LRRC45: variants seen among roughly 807,000 people sequenced by gnomAD.
LRRC45 encodes leucine rich repeat containing 45, also known as leucine-rich repeat-containing protein 45.
LRRC45 carries 73 observed loss-of-function variants against 85.4 expected under a neutral mutation model. The ratio of observed to expected loss-of-function variants is 0.85; its 90% CI spans 0.71 to 1.04. The LOEUF (loss-of-function observed/expected upper bound fraction) is 1.04. Among genes scored for constraint, LRRC45 ranks in the 50% least tolerant of loss-of-function variants. LRRC45 has a pLI of 0.00. For missense variants in LRRC45, 937 were observed against 883.3 expected (o/e 1.06, Z -0.77); for synonymous variants, 429 against 386.0 (o/e 1.11, Z -1.31).
intron 5 of LRRC45, 36 bp downstream of exon 5, chr17:82,025,543 C>T (rs761860198): frequency 4.3e-5 from 64 of 1,497,982 alleles, no homozygotes; most frequent in Admixed American, 6.3e-5. Context: ...ACGCGTGAGC[C>T]TTTGACAGAG....
At chr17:82,027,980 G>C (rs762505245) in intron 8 of LRRC45, 31 bp from the exon 9 acceptor site, 1 of 1,569,314 alleles carries the variant, frequency 6.4e-7, no homozygotes, top group Middle Eastern at 2.3e-4. Flanking sequence ...AACTCCAACC[G>C]GGGCGGGGGT....
chr17:82,029,036 G>A (rs1289847567), intron 12 of LRRC45, 57 bp from the exon 13 acceptor site: 7 of 1,515,424 alleles, frequency 4.6e-6, no homozygotes, highest in Middle Eastern at 1.7e-4. Flanking sequence ...AGTCCGTGAG[G>A]AGAAGGTAGG....
At chr17:82,024,442 G>A in intron 2 of LRRC45, 103 bp downstream of exon 2, 2 of 1,399,452 alleles carry the variant, frequency 1.4e-6, no homozygotes, top group Non-Finnish European at 2.0e-6. Flanking sequence ...GCAGGTGGCT[G>A]GAAGCTGTCT....
In LRRC45 at chr17:82,023,366, G is replaced by A. The variant is rs1040544328; in HGVS notation, c.-278G>A. The A allele has an allele frequency of 2.1e-6, 1 of 478,288 alleles. No homozygotes were observed. The highest frequency in any genetic ancestry group is 2.1e-5 in the African/African-American group (1 of 48,684). 29.6% of individuals were successfully genotyped at this position (478,288 alleles called of 1,614,324 possible). On this transcript the variant is annotated 5_prime_UTR_variant, in exon 1 of 17. Coordinates refer to ENST00000306688, the MANE Select transcript of LRRC45 (RefSeq NM_144999.4). The stretch of plus-strand genomic sequence containing the variant: ...GCGAGGGCGGGGGTCGGGGCTGCAG[G>A]CGGGGCAGGGCTGGGTGGGGGCGCG...
chr17:82,026,631 G>A (rs982775216), intron 5 of LRRC45, among the ~76,000 whole-genome samples: 3 of 150,864 alleles, frequency 2.0e-5, no homozygotes, highest in Non-Finnish European at 4.4e-5. Context: ...CCAGGCTGGA[G>A]TGCAGTGGCG....
At position 82,023,506 on chromosome 17, in the gene LRRC45, G is replaced by C. The variant is rs961520863; in HGVS notation, c.-138G>C. The stretch of plus-strand genomic sequence containing the variant: ...GCTCCCAGGACCTCCCGCCCGCGGA[G>C]CCCACTCGGATTGCTCTCCGCCCGG... On this transcript the variant is annotated 5_prime_UTR_variant, in exon 1 of 17. Coordinates refer to ENST00000306688, the MANE Select transcript of LRRC45 (RefSeq NM_144999.4). 1 of 744,874 alleles carries C rather than the reference G, an allele frequency of 1.3e-6. No individual in the cohort carries two copies. Among genetic ancestry groups the C allele is most frequent in the South Asian group, 2.0e-5 (1 of 51,060 alleles). The allele number at this position is 744,874 out of a possible 1,614,324, so 46.1% of individuals were successfully genotyped here. A position where few individuals can be genotyped will look rare whatever the true frequency, so the allele number is the denominator to read the frequency against.
rs2043359387 is a variant in LRRC45 at position 82,025,364 on chromosome 17, C to T, written c.533-15C>T. 1.9e-6 allele frequency: 3 copies of T among 1,562,614 alleles called. No homozygotes were observed. The highest frequency in any genetic ancestry group is 1.4e-5 in the African/African-American group (1 of 73,662). Reference sequence around the variant, plus strand: ...CCAGGTGCATTCTGTCTGGTGACTACAGGTTTCCTTCCAGACCTGCGCTGG... The same window carrying T: ...CCAGGTGCATTCTGTCTGGTGACTATAGGTTTCCTTCCAGACCTGCGCTGG... On this transcript the variant is annotated splice_polypyrimidine_tract_variant and intron_variant, in intron 4 of 16. Transcript: ENST00000306688.
chr17:82,026,945 G>A lies in LRRC45; in HGVS notation c.708G>A (p.Glu236=). 1 of 1,608,654 alleles carries A rather than the reference G, an allele frequency of 6.2e-7. No homozygotes were observed. The highest frequency in any genetic ancestry group is 8.5e-7 in the Non-Finnish European group (1 of 1,179,076). Reference sequence around the variant, plus strand: ...AGGACCGGCTCACCACCTTCCAGGAGAACCAAGCCCGCACTCACGTCCTCA... The same window carrying A: ...AGGACCGGCTCACCACCTTCCAGGAAAACCAAGCCCGCACTCACGTCCTCA... The part of the protein sequence containing the change: ...HSQDRLTTFQ[E]NQARTHVLSK... The change falls in exon 6 of 17, where the codon GAG becomes GAA. Residue 236 remains glutamate (E), a synonymous_variant. Transcript: ENST00000306688.
chr17:82,025,389 G>A lies in LRRC45; in HGVS notation c.543G>A (p.Trp181Ter). Residue 181 changes from tryptophan (W) to a stop codon, truncating the protein, a stop_gained, in exon 5 of 17, where the codon TGG becomes TGA. Coordinates refer to ENST00000306688, the MANE Select transcript of LRRC45 (RefSeq NM_144999.4). LOFTEE classifies it high-confidence loss of function. ...NTTLQQLDLR[W>*]NNVGLLGGRA... ...CAGGTTTCCTTCCAGACCTGCGCTG[G>A]AATAACGTTGGCCTCCTGGGGGGCC... 1.3e-6 allele frequency: 2 copies of A among 1,587,758 alleles called. No homozygotes were observed. Among genetic ancestry groups the A allele is most frequent in the South Asian group, 1.1e-5 (1 of 87,252 alleles).
In LRRC45 at chr17:82,024,996, G is replaced by A. The variant is rs1177077426; in HGVS notation, c.354-4G>A. On this transcript the variant is annotated splice_region_variant and splice_polypyrimidine_tract_variant and intron_variant, in intron 3 of 16. Coordinates refer to ENST00000306688, the MANE Select transcript of LRRC45 (RefSeq NM_144999.4). ...GTGAACACTGGCTTCTGCCCCTCCT[G>A]CAGCCTCACGCTGGAGTGGAACAGC... 6.4e-7 allele frequency: 1 copy of A among 1,564,784 alleles called. No individual in the cohort carries two copies. Among genetic ancestry groups the A allele is most frequent in the Non-Finnish European group, 8.7e-7 (1 of 1,153,706 alleles).
At chr17:82,024,976 C>A in intron 3 of LRRC45, 24 bp from the exon 4 acceptor site, 2 of 1,534,354 alleles carry the variant, frequency 1.3e-6, no homozygotes, top group South Asian at 2.5e-5. Flanking sequence ...CCTAGGTGAA[C>A]ACTGGCTTCT....
rs2043407958 is a variant in LRRC45, at chr17:82,030,367, C to CG, written c.1718dup (p.Val574ArgfsTer108). On this transcript the variant is annotated frameshift_variant, in exon 16 of 17. Coordinates refer to ENST00000306688, the MANE Select transcript of LRRC45 (RefSeq NM_144999.4). LOFTEE classifies it high-confidence loss of function. Reference sequence around the variant, plus strand: ...AAGGGTGGCCGAGGTGAGCAGGGTGCGCGTGGAGCTGCAGGAGCAGAACGG... The same window carrying CG: ...AAGGGTGGCCGAGGTGAGCAGGGTGCGGCGTGGAGCTGCAGGAGCAGAACGG... 1.3e-6 allele frequency: 2 copies of CG among 1,549,744 alleles called. No homozygotes were observed. Among genetic ancestry groups the CG allele is most frequent in the Non-Finnish European group, 1.7e-6 (2 of 1,146,838 alleles).
Position 82,024,561 on chromosome 17 carries a change from G to GC in LRRC45, c.283-129dup, listed in dbSNP as rs2043348810. On this transcript the variant is annotated intron_variant, in intron 2 of 16. Transcript: ENST00000306688. ...CTTGGAAGCCCCCTGAAGACAGGGA[G>GC]CCCAGGAGCTGAGGAAGGCTGCAGG... The GC allele has an allele frequency of 2.7e-6, 3 of 1,128,772 alleles. No individual in the cohort carries two copies. The African/African-American group carries it at 4.7e-5, about 18-fold the overall frequency. The allele number at this position is 1,128,772 out of a possible 1,614,324, so 69.9% of individuals were successfully genotyped here. A position where few individuals can be genotyped will look rare whatever the true frequency, so the allele number is the denominator to read the frequency against.
In LRRC45 at chr17:82,025,022, C is replaced by T; in HGVS notation, c.376C>T (p.Leu126=). The T allele has an allele frequency of 1.3e-6, 2 of 1,597,990 alleles. No individual in the cohort carries two copies. Among genetic ancestry groups the T allele is most frequent in the Non-Finnish European group, 1.7e-6 (2 of 1,172,640 alleles). Reference sequence around the variant, plus strand: ...CAGCCTCACGCTGGAGTGGAACAGCCTGGGCACGTGGGACGATGCCTTCGC... The same window carrying T: ...CAGCCTCACGCTGGAGTGGAACAGCTTGGGCACGTGGGACGATGCCTTCGC... The part of the protein sequence containing the change: ...IQSLTLEWNS[L]GTWDDAFATF... Residue 126 remains leucine, a synonymous_variant, in exon 4 of 17, where the codon CTG becomes TTG. Transcript: ENST00000306688.
In LRRC45 at chr17:82,023,440, G is replaced by A. The variant is rs4072801; in HGVS notation, c.-204G>A. On this transcript the variant is annotated 5_prime_UTR_variant, in exon 1 of 17. Transcript: ENST00000306688. ...ACGGGTGGTCCCCAAGCACTGCGGG[G>A]CCCCAGCCCAAAGCGGACCTTGACT... The A allele has an allele frequency of 0.68, 375,437 of 554,080 alleles. 130,572 individuals are homozygous for A. Among genetic ancestry groups the A allele is most frequent in the African/African-American group, 0.8 (39,804 of 49,682 alleles). The allele number at this position is 554,080 out of a possible 1,614,324, so 34.3% of individuals were successfully genotyped here.
At chr17:82,030,538 G>A (rs2043409733) in intron 16 of LRRC45, 71 bp from the exon 17 acceptor site, 2 of 1,504,770 alleles carry the variant, frequency 1.3e-6, no homozygotes, top group Non-Finnish European at 8.9e-7. Flanking sequence ...GGGCTGGCCA[G>A]GTCTCCCGTG....
In LRRC45 at chr17:82,029,653, G is replaced by A. The variant is rs767494474; in HGVS notation, c.1494+18G>A. ...TGGAGGAGGTGAGCCACACATGTCCGCCACCCTCCGGGGGAGCCAGGCTGC... is the reference window on the plus strand; with the variant it reads ...TGGAGGAGGTGAGCCACACATGTCCACCACCCTCCGGGGGAGCCAGGCTGC... On this transcript the variant is annotated intron_variant, in intron 14 of 16. Coordinates refer to ENST00000306688, the MANE Select transcript of LRRC45 (RefSeq NM_144999.4). The A allele has an allele frequency of 4.7e-5, 73 of 1,553,590 alleles. No individual in the cohort carries two copies. Among genetic ancestry groups the A allele is most frequent in the African/African-American group, 1.1e-4 (8 of 73,204 alleles).
chr17:82,024,398 G>A, intron 2 of LRRC45, 59 bp downstream of exon 2: 2 of 1,599,048 alleles, frequency 1.3e-6, no homozygotes, highest in African/African-American at 1.3e-5. Flanking sequence ...GAGGAGAGGT[G>A]GAAGATGCCA....
At chr17:82,029,290 C>A in intron 13 of LRRC45, 105 bp downstream of exon 13, 1 of 1,194,274 alleles carries the variant, frequency 8.4e-7, no homozygotes, top group East Asian at 2.5e-5. Flanking sequence ...CTTCCTGTTC[C>A]CAGAGGCTCA....
Sources: gnomAD v4.1 joint callset for allele counts (sites outside exome capture counted in the v4.1 genomes callset) on GRCh38, gnomAD v4.1.1 for gene constraint, MANE v1.5 for transcripts, NCBI Gene and HGNC (gene_info 2026-07-23, HGNC 2026-07-21) for gene names.